AFF4: variants seen among roughly 807,000 people sequenced by gnomAD.
AFF4 encodes AF4/FMR2 family member 4.
Under a neutral mutation model 124.8 loss-of-function variants are expected in AFF4, and 13 were observed. The observed-to-expected ratio is 0.10, with a 90% CI of 0.07 to 0.17. The LOEUF is 0.17. Ranked by LOEUF, AFF4 falls within the 10% of genes least tolerant of loss-of-function variation. The probability of loss-of-function intolerance (pLI) is 1.00; values close to 1 mark genes in which losing one functional copy is unlikely to be tolerated. For missense variants in AFF4, 1,092 were observed against 1,403.8 expected, an observed-to-expected ratio of 0.78 and a Z score of 3.55; for synonymous variants, 477 against 496.1, an observed-to-expected ratio of 0.96 and a Z score of 0.51.
intron 19 of AFF4, among the ~76,000 whole-genome samples, chr5:132,884,455 T>C (rs1421406728): frequency 6.6e-6 from 1 of 152,196 alleles, no homozygotes; most frequent in Admixed American, 6.5e-5. Context: ...TTGGCCAGGC[T>C]GGTCTTGAAC....
intron 1 of AFF4, among the ~76,000 whole-genome samples, chr5:132,959,940 A>G (rs1762046159): frequency 6.6e-6 from 1 of 151,258 alleles, no homozygotes; most frequent in Admixed American, 6.6e-5. Flanking sequence ...AATTTTTTGT[A>G]TTCTTTTAGT....
intron 5 of AFF4, among the ~76,000 whole-genome samples, chr5:132,923,922 T>C (rs531910286): frequency 6.6e-6 from 1 of 152,230 alleles, no homozygotes; most frequent in South Asian, 2.1e-4. Context: ...GAAGCAAATT[T>C]TGGTGTTTCC....
chr5:132,952,608 A>G (rs1011537413), intron 1 of AFF4, among the ~76,000 whole-genome samples: 1 of 152,064 alleles, frequency 6.6e-6, no homozygotes, highest in Non-Finnish European at 1.5e-5. Flanking sequence ...AAATATCTCT[A>G]TGTGGCCAGG....
At chr5:132,889,763 T>TTA (rs1380060191) in intron 13 of AFF4, among the ~76,000 whole-genome samples, 1 of 152,206 alleles carries the variant, frequency 6.6e-6, no homozygotes, top group African/African-American at 2.4e-5. Context: ...AAAAGCCTAG[T>TTA]TACTTTCTTA....
chr5:132,889,277 G>T, intron 13 of AFF4, 104 bp from the exon 14 acceptor site: 1 of 716,172 alleles, frequency 1.4e-6, no homozygotes, highest in Non-Finnish European at 2.3e-6. Flanking sequence ...AAATTTCATT[G>T]CCTTTCATAA....
At chr5:132,936,969 A>G (rs567892887) in intron 2 of AFF4, 98 bp downstream of exon 2, 61 of 1,440,778 alleles carry the variant, frequency 4.2e-5, no homozygotes, top group Admixed American at 4.4e-5. Flanking sequence ...TGGTATTCAT[A>G]GTAATTCTTT....
chr5:132,917,178 C>A (rs766973545), intron 5 of AFF4, among the ~76,000 whole-genome samples: 1 of 152,184 alleles, frequency 6.6e-6, no homozygotes, highest in African/African-American at 2.4e-5. Flanking sequence ...CTCAGCCTCC[C>A]AAAGTGCTGG....
chr5:132,945,829 G>A (rs1472732106), intron 1 of AFF4, among the ~76,000 whole-genome samples: 1 of 152,064 alleles, frequency 6.6e-6, no homozygotes, highest in East Asian at 1.9e-4. Flanking sequence ...CGCAGGCTGA[G>A]GCAGGCGGAT....
chr5:132,917,225 A>C (rs912714886), intron 5 of AFF4, among the ~76,000 whole-genome samples: 1 of 149,124 alleles, frequency 6.7e-6, no homozygotes, highest in African/African-American at 2.5e-5. Context: ...AGCCAAATTT[A>C]ACCAATGTTA....
intron 13 of AFF4, among the ~76,000 whole-genome samples, chr5:132,890,191 AAT>A (rs1282286611): frequency 6.6e-6 from 1 of 151,418 alleles, no homozygotes; most frequent in Non-Finnish European, 1.5e-5. Context: ...AAAATTTTTA[AAT>A]ATATAATTAT....
At chr5:132,961,001 A>T (rs972352506) in intron 1 of AFF4, among the ~76,000 whole-genome samples, 1 of 152,092 alleles carries the variant, frequency 6.6e-6, no homozygotes, top group Non-Finnish European at 1.5e-5. Context: ...AGGCGTGTGG[A>T]TCACGAGGTC....
chr5:132,918,440 T>C (rs766938359), intron 5 of AFF4, among the ~76,000 whole-genome samples: 1 of 151,944 alleles, frequency 6.6e-6, no homozygotes, highest in Non-Finnish European at 1.5e-5. Flanking sequence ...GGCAGGTGGA[T>C]CAGTTGAGGT....
intron 2 of AFF4, among the ~76,000 whole-genome samples, chr5:132,935,430 A>G: frequency 6.6e-6 from 1 of 152,228 alleles, no homozygotes; most frequent in East Asian, 1.9e-4. Flanking sequence ...GTTCCAGACC[A>G]GCCTGGCCAA....
chr5:132,909,569 A>T (rs1760746921), intron 5 of AFF4, among the ~76,000 whole-genome samples: 1 of 152,110 alleles, frequency 6.6e-6, no homozygotes, highest in African/African-American at 2.4e-5. Context: ...TGTGAGATAG[A>T]GAGATTAAAA....
chr5:132,903,664 A>G (rs1213957398), intron 6 of AFF4, among the ~76,000 whole-genome samples: 1 of 152,178 alleles, frequency 6.6e-6, no homozygotes, highest in Non-Finnish European at 1.5e-5. Context: ...TCAGAAAACC[A>G]AGGAAGAAAA....
chr5:132,902,204 C>T (rs772158390), intron 7 of AFF4, among the ~76,000 whole-genome samples: 10 of 152,044 alleles, frequency 6.6e-5, no homozygotes, highest in Admixed American at 1.3e-4. Flanking sequence ...CTCGCCACCA[C>T]GCCTGGCTAA....
chr5:132,957,718 C>T (rs1170047123), intron 1 of AFF4, among the ~76,000 whole-genome samples: 1 of 151,896 alleles, frequency 6.6e-6, no homozygotes, highest in Non-Finnish European at 1.5e-5. Flanking sequence ...GGTGACAGTG[C>T]AAGACTCCAT....
At chr5:132,886,426 T>G in intron 17 of AFF4, 23 bp from the exon 18 acceptor site, 1 of 1,610,030 alleles carries the variant, frequency 6.2e-7, no homozygotes, top group South Asian at 1.1e-5. Context: ...AAAGGGCGGC[T>G]TATTTACCAG....
chr5:132,900,659 G>A (rs778566410), intron 7 of AFF4, among the ~76,000 whole-genome samples: 5 of 152,186 alleles, frequency 3.3e-5, no homozygotes, highest in African/African-American at 7.2e-5. Flanking sequence ...ACTATAAGCT[G>A]ACAGTTTCTG....
Sources: allele counts gnomAD v4.1 joint callset (sites outside exome capture counted in the v4.1 genomes callset), GRCh38; gene constraint gnomAD v4.1.1; transcripts MANE v1.5; gene names NCBI Gene and HGNC (gene_info 2026-07-23, HGNC 2026-07-21).